Variants in IRF2 observed in about 807,000 individuals in gnomAD.
The protein encoded by IRF2 is interferon regulatory factor 2.
IRF2 carries 15 observed loss-of-function variants against 40.6 expected under a neutral mutation model. The ratio of observed to expected loss-of-function variants is 0.37; its 90% CI spans 0.25 to 0.57. IRF2 has a LOEUF of 0.57. Ranked by LOEUF, IRF2 falls within the 20% of genes least tolerant of loss-of-function variation. IRF2 has a pLI of 0.77. For synonymous variants in IRF2, 151 were observed against 165.5 expected (o/e 0.91, Z 0.67); for missense variants, 317 against 455.7 (o/e 0.70, Z 2.77).
intron 1 of IRF2, among the ~76,000 whole-genome samples, chr4:184,466,727 A>G (rs896574375): frequency 6.6e-6 from 1 of 152,182 alleles, no homozygotes; most frequent in Non-Finnish European, 1.5e-5. Flanking sequence ...ATTCTGAGAA[A>G]TGCACCATTA....
intron 1 of IRF2, among the ~76,000 whole-genome samples, chr4:184,447,037 C>A (rs577922669): frequency 6.6e-6 from 1 of 152,226 alleles, no homozygotes; most frequent in African/African-American, 2.4e-5. Flanking sequence ...ACTAAAAGGG[C>A]CTGGGAACAG....
In IRF2 at chr4:184,388,541, C is replaced by G; in HGVS notation, c.*217G>C. On this transcript the variant is annotated 3_prime_UTR_variant, in exon 9 of 9. Transcript: ENST00000393593. The surrounding 1 kb of genome is among the most constrained non-coding windows in gnomAD (Gnocchi z 4.6). ...CTTGAGTGAGTAGCCCTGGGAGATC[C>G]AGCAGGCTCTAGAAACACACGTCTA... is the stretch of plus-strand genomic sequence containing the variant. 1 of 545,444 alleles carries G rather than the reference C, an allele frequency of 1.8e-6. No individual in the cohort carries two copies. The highest frequency in any genetic ancestry group is 3.3e-5 in the East Asian group (1 of 30,058). The allele number at this position is 545,444 out of a possible 1,614,324, so 33.8% of individuals were successfully genotyped here. A position where few individuals can be genotyped will look rare whatever the true frequency, so the allele number is the denominator to read the frequency against.
At chr4:184,415,579 C>T (rs150817677) in intron 5 of IRF2, among the ~76,000 whole-genome samples, 32 of 152,256 alleles carry the variant, frequency 2.1e-4, no homozygotes, top group African/African-American at 7.0e-4. Flanking sequence ...CAATCCATTA[C>T]GTGTCATGGT....
At chr4:184,445,040 T>C (rs1024330624) in intron 1 of IRF2, among the ~76,000 whole-genome samples, 12 of 152,186 alleles carry the variant, frequency 7.9e-5, no homozygotes, top group Non-Finnish European at 1.3e-4. Context: ...AGTCCCCAGC[T>C]GAGTCCACGT....
chr4:184,425,770 C>T (rs1262104951), intron 2 of IRF2, among the ~76,000 whole-genome samples: 2 of 152,160 alleles, frequency 1.3e-5, no homozygotes, highest in African/African-American at 2.4e-5. Context: ...GGTCCTGTAT[C>T]AGAAAAACAT....
At chr4:184,468,258 C>T (rs1739398383) in intron 1 of IRF2, among the ~76,000 whole-genome samples, 3 of 152,134 alleles carry the variant, frequency 2.0e-5, no homozygotes, top group African/African-American at 4.8e-5. Context: ...GAGGCTGAGG[C>T]GGGCAGATCA....
chr4:184,409,657 G>C (rs1736999473), intron 5 of IRF2, among the ~76,000 whole-genome samples: 1 of 152,186 alleles, frequency 6.6e-6, no homozygotes, highest in African/African-American at 2.4e-5. Flanking sequence ...ACTTTGGGAG[G>C]CTGAGGCTGC....
At chr4:184,469,658 G>A (rs1739450525) in intron 1 of IRF2, among the ~76,000 whole-genome samples, 1 of 152,216 alleles carries the variant, frequency 6.6e-6, no homozygotes, top group African/African-American at 2.4e-5. Context: ...CTGGTGGACA[G>A]AGTGAGACTT....
intron 1 of IRF2, among the ~76,000 whole-genome samples, chr4:184,441,991 G>C (rs1411339267): frequency 1.3e-5 from 2 of 152,072 alleles, no homozygotes; most frequent in African/African-American, 2.4e-5. Context: ...AGGTAGAGAG[G>C]GCCCCACACC....
chr4:184,430,401 C>A (rs572264100), intron 1 of IRF2, among the ~76,000 whole-genome samples: 1 of 150,558 alleles, frequency 6.6e-6, no homozygotes, highest in Non-Finnish European at 1.5e-5. Flanking sequence ...GTGCTCATCC[C>A]GTGCCCTCTG....
At chr4:184,465,683 C>G (rs955284834) in intron 1 of IRF2, among the ~76,000 whole-genome samples, 60 of 152,182 alleles carry the variant, frequency 3.9e-4, no homozygotes, top group African/African-American at 1.3e-3. Context: ...AAAACACGAG[C>G]TTTATAAGCT....
At chr4:184,436,338 T>C (rs908079533) in intron 1 of IRF2, among the ~76,000 whole-genome samples, 2 of 152,166 alleles carry the variant, frequency 1.3e-5, no homozygotes, top group Admixed American at 6.5e-5. Flanking sequence ...TAAACACACA[T>C]TGTTACAAGG....
intron 1 of IRF2, among the ~76,000 whole-genome samples, chr4:184,441,359 A>G (rs1266069250): frequency 6.6e-6 from 1 of 152,250 alleles, no homozygotes; most frequent in Non-Finnish European, 1.5e-5. Flanking sequence ...CTTTGTCATC[A>G]AAGATGGAAA....
intron 1 of IRF2, among the ~76,000 whole-genome samples, chr4:184,440,598 C>T (rs34607052): frequency 0.048 from 7,302 of 152,290 alleles, 329 homozygotes; most frequent in African/African-American, 0.12. Context: ...GGCGGCTGAT[C>T]GCCTCATCTG....
intron 6 of IRF2, among the ~76,000 whole-genome samples, chr4:184,405,420 C>T (rs1325589867): frequency 2.0e-5 from 3 of 152,182 alleles, no homozygotes; most frequent in Non-Finnish European, 4.4e-5. Context: ...AGCTGCTCCA[C>T]CATAAGGAGA....
intron 2 of IRF2, 134 bp downstream of exon 2, chr4:184,428,844 C>A: frequency 2.6e-6 from 2 of 760,992 alleles, no homozygotes; most frequent in Non-Finnish European, 4.7e-6. Flanking sequence ...GTTTTATGAT[C>A]ATTTTGGGTT....
intron 1 of IRF2, among the ~76,000 whole-genome samples, chr4:184,471,276 T>G (rs1270870083): frequency 6.6e-6 from 1 of 152,246 alleles, no homozygotes; most frequent in African/African-American, 2.4e-5. Flanking sequence ...TCCTTACAGC[T>G]AACCCCAAAA....
chr4:184,418,912 G>C (rs1187269946), intron 3 of IRF2, among the ~76,000 whole-genome samples: 1 of 152,202 alleles, frequency 6.6e-6, no homozygotes, highest in East Asian at 1.9e-4. Context: ...AACCTGAACA[G>C]TTCCAGTCAA....
chr4:184,436,267 G>A (rs1223305506), intron 1 of IRF2, among the ~76,000 whole-genome samples: 3 of 152,118 alleles, frequency 2.0e-5, no homozygotes, highest in Admixed American at 6.5e-5. Flanking sequence ...GAGCCACTGC[G>A]CCCGGCCATG....
Sources: gnomAD v4.1 joint callset for allele counts (sites outside exome capture counted in the v4.1 genomes callset) on GRCh38, gnomAD v4.1.1 for gene constraint, Gnocchi (gnomAD v3.1) non-coding constraint, MANE v1.5 for transcripts, NCBI Gene and HGNC (gene_info 2026-07-23, HGNC 2026-07-21) for gene names.